FAM171B: variants seen among roughly 807,000 people sequenced by gnomAD.
FAM171B encodes the protein protein FAM171B.
FAM171B carries 19 observed loss-of-function variants against 75.6 expected under a neutral mutation model. That is an observed-to-expected ratio of 0.25 (90% CI 0.18 to 0.37). The LOEUF is 0.37. FAM171B is among the 10% of genes least tolerant of loss of function. FAM171B has a pLI of 1.00. For synonymous variants in FAM171B, 367 were observed against 361.7 expected (o/e 1.01, Z -0.17); for missense variants, 848 against 982.4 (o/e 0.86, Z 1.83).
At chr2:186,695,597 A>G (rs1358085086) in intron 1 of FAM171B, among the ~76,000 whole-genome samples, 1 of 152,198 alleles carries the variant, frequency 6.6e-6, no homozygotes, top group Non-Finnish European at 1.5e-5. Context: ...GATTCATGAC[A>G]CAGCCAGGAT....
chr2:186,719,873 C>A (rs1304286629), intron 1 of FAM171B, among the ~76,000 whole-genome samples: 1 of 152,114 alleles, frequency 6.6e-6, no homozygotes, highest in East Asian at 1.9e-4. Context: ...TTGATTAAAG[C>A]ATTGTTTCCA....
At chr2:186,700,492 A>G (rs1667932988) in intron 1 of FAM171B, among the ~76,000 whole-genome samples, 1 of 152,172 alleles carries the variant, frequency 6.6e-6, no homozygotes, top group Non-Finnish European at 1.5e-5. Context: ...ACTTCACAAA[A>G]TGGAATCCAT....
intron 1 of FAM171B, among the ~76,000 whole-genome samples, chr2:186,727,808 T>G (rs1425800519): frequency 1.3e-5 from 2 of 152,212 alleles, no homozygotes; most frequent in Non-Finnish European, 2.9e-5. Flanking sequence ...ACATGGACAT[T>G]TAAATTTGGA....
At chr2:186,758,384 C>T (rs566170547) in intron 6 of FAM171B, among the ~76,000 whole-genome samples, 5 of 152,176 alleles carry the variant, frequency 3.3e-5, no homozygotes, top group African/African-American at 9.6e-5. Flanking sequence ...CAAATTAGTG[C>T]AAAATTTGAA....
chr2:186,698,184 G>A (rs1032504176), intron 1 of FAM171B, among the ~76,000 whole-genome samples: 29 of 152,094 alleles, frequency 1.9e-4, no homozygotes, highest in Admixed American at 7.9e-4. Flanking sequence ...GGGGGAGAGA[G>A]GAGCTGGAGA....
chr2:186,757,979 G>A (rs1690557289), intron 6 of FAM171B, among the ~76,000 whole-genome samples: 1 of 151,976 alleles, frequency 6.6e-6, no homozygotes, highest in African/African-American at 2.4e-5. Flanking sequence ...TTTTTTGTTT[G>A]ACAAAACTTC....
At chr2:186,759,517 C>T (rs1483119949) in intron 6 of FAM171B, among the ~76,000 whole-genome samples, 3 of 152,080 alleles carry the variant, frequency 2.0e-5, no homozygotes, top group African/African-American at 7.2e-5. Flanking sequence ...TATTGACTGT[C>T]TTTTGGATAA....
Position 186,763,148 on chromosome 2 carries a change from C to CCTG in FAM171B, c.*325_*326insCTG. 1 of 212,796 alleles carries CCTG rather than the reference C, an allele frequency of 4.7e-6. No individual in the cohort carries two copies. Among genetic ancestry groups the CCTG allele is most frequent in the Non-Finnish European group, 9.4e-6 (1 of 106,580 alleles). 13.2% of individuals were successfully genotyped at this position (212,796 alleles called of 1,614,324 possible). ...CTTAAGAATAACAGTGAAATATATA[C>CCTG]TCCTCAAGTTGCCTCCAAAAATGTT... is the stretch of plus-strand genomic sequence containing the variant. On this transcript the variant is annotated 3_prime_UTR_variant, in exon 8 of 8. Coordinates refer to ENST00000304698, the MANE Select transcript of FAM171B (RefSeq NM_177454.4).
intron 5 of FAM171B, among the ~76,000 whole-genome samples, chr2:186,753,289 C>CG (rs1384772237): frequency 2.6e-5 from 4 of 152,152 alleles, no homozygotes; most frequent in Non-Finnish European, 5.9e-5. Context: ...TGTGGGATTA[C>CG]AGGCATGTGC....
chr2:186,743,608 T>C, intron 3 of FAM171B, 33 bp downstream of exon 3: 1 of 1,367,464 alleles, frequency 7.3e-7, no homozygotes, highest in South Asian at 1.2e-5. Context: ...AGTAAACACT[T>C]AAAGTTATTG....
chr2:186,727,050 C>T (rs573822721), intron 1 of FAM171B, among the ~76,000 whole-genome samples: 10 of 152,166 alleles, frequency 6.6e-5, no homozygotes, highest in African/African-American at 1.9e-4. Context: ...CTCTCTGCAA[C>T]GCCTCCTCTT....
In FAM171B at chr2:186,694,257, G is replaced by C. The variant is rs1274035960; in HGVS notation, c.84G>C (p.Ala28=). The C allele has an allele frequency of 6.2e-7, 1 of 1,611,076 alleles. No individual in the cohort carries two copies. The highest frequency in any genetic ancestry group is 1.3e-5 in the African/African-American group (1 of 74,916). ...TGCTGAAAGCGCGGCTGGTCCCCGCGGCCGCCAGAGCGGAACTCAGCCGCT... is the reference window on the plus strand; with the variant it reads ...TGCTGAAAGCGCGGCTGGTCCCCGCCGCCGCCAGAGCGGAACTCAGCCGCT... ...VVLLKARLVP[A]AARAELSRSD... Residue 28 remains alanine (A), a synonymous_variant, in exon 1 of 8, where the codon GCG becomes GCC. Coordinates refer to ENST00000304698, the MANE Select transcript of FAM171B (RefSeq NM_177454.4).
chr2:186,723,457 T>A (rs9789704), intron 1 of FAM171B, among the ~76,000 whole-genome samples: 73,273 of 151,790 alleles, frequency 0.48, 18,589 homozygotes, highest in South Asian at 0.61. Flanking sequence ...ATGTCTTTTT[T>A]TTATTATTAT....
chr2:186,713,425 G>T (rs1279070070), intron 1 of FAM171B, among the ~76,000 whole-genome samples: 1 of 152,192 alleles, frequency 6.6e-6, no homozygotes, highest in Non-Finnish European at 1.5e-5. Context: ...AAGTATTAGA[G>T]ATAATATGTG....
intron 7 of FAM171B, 71 bp downstream of exon 7, chr2:186,761,307 A>G: frequency 6.5e-7 from 1 of 1,541,698 alleles, no homozygotes; most frequent in South Asian, 1.3e-5. Context: ...TGTACATTGA[A>G]AAGTTTATTT....
intron 1 of FAM171B, among the ~76,000 whole-genome samples, chr2:186,703,717 A>T (rs1172789145): frequency 1.3e-5 from 2 of 152,184 alleles, no homozygotes; most frequent in African/African-American, 4.8e-5. Context: ...GGCTCAGTAT[A>T]ATTAAATGAA....
intron 1 of FAM171B, among the ~76,000 whole-genome samples, chr2:186,712,543 ATGACT>A (rs1260911287): frequency 1.3e-5 from 2 of 152,232 alleles, no homozygotes; most frequent in Admixed American, 6.5e-5. Flanking sequence ...TAGGAAGATG[ATGACT>A]TGAGTAATAC....
intron 6 of FAM171B, 21 bp from the exon 7 acceptor site, chr2:186,761,092 T>G: frequency 3.2e-6 from 5 of 1,581,678 alleles, no homozygotes; most frequent in Non-Finnish European, 4.3e-6. Context: ...ATTTTCTCTT[T>G]GTTTATATTG....
At chr2:186,753,209 C>T (rs553199788) in intron 5 of FAM171B, among the ~76,000 whole-genome samples, 55 of 152,154 alleles carry the variant, frequency 3.6e-4, no homozygotes, top group South Asian at 1.9e-3. Context: ...AGTGCAGTGG[C>T]GCACTCTCAG....
Sources: gnomAD v4.1 joint callset for allele counts (sites outside exome capture counted in the v4.1 genomes callset) on GRCh38, gnomAD v4.1.1 for gene constraint, MANE v1.5 for transcripts, NCBI Gene and HGNC (gene_info 2026-07-23, HGNC 2026-07-21) for gene names.